Variants in PDZRN3 observed in about 807,000 individuals in gnomAD.
The protein encoded by PDZRN3 is PDZ domain containing ring finger 3.
A neutral mutation model predicts 85.7 loss-of-function variants in PDZRN3; 38 were observed. The ratio of observed to expected loss-of-function variants is 0.44; its 90% CI spans 0.34 to 0.58. The LOEUF is 0.58. Ranked by LOEUF, PDZRN3 falls within the 20% of genes least tolerant of loss-of-function variation. The pLI is 0.01. For missense variants in PDZRN3, 1,629 were observed against 1,506.4 expected (o/e 1.08, Z -1.35); for synonymous variants, 759 against 638.0 (o/e 1.19, Z -2.86).
chr3:73,560,259 A>G (rs1002795393), intron 3 of PDZRN3, among the ~76,000 whole-genome samples: 1 of 152,224 alleles, frequency 6.6e-6, no homozygotes, highest in East Asian at 1.9e-4. Flanking sequence ...AAATCTGCCA[A>G]ATTTGACTGT....
intron 3 of PDZRN3, among the ~76,000 whole-genome samples, chr3:73,406,227 G>A (rs1701852384): frequency 6.6e-6 from 1 of 152,192 alleles, no homozygotes; most frequent in Admixed American, 6.5e-5. Context: ...CTGTTGCCAT[G>A]TTTCTCCCTT....
intron 1 of PDZRN3, among the ~76,000 whole-genome samples, chr3:73,612,074 G>A (rs973300957): frequency 2.0e-5 from 3 of 149,924 alleles, no homozygotes; most frequent in African/African-American, 7.6e-5. Flanking sequence ...GGTCTGTTTG[G>A]GTAGTTTATC....
chr3:73,401,274 G>A (rs1381387546), intron 4 of PDZRN3, among the ~76,000 whole-genome samples: 12 of 152,182 alleles, frequency 7.9e-5, no homozygotes, highest in South Asian at 2.1e-4. Context: ...AGCCCATCCC[G>A]GAGCCTGCCA....
intron 3 of PDZRN3, among the ~76,000 whole-genome samples, chr3:73,453,345 G>T (rs1213149075): frequency 7.0e-6 from 1 of 143,148 alleles, no homozygotes; most frequent in Non-Finnish European, 1.5e-5. Flanking sequence ...GGCGGAGGTT[G>T]CAGTGAGCCG....
intron 3 of PDZRN3, among the ~76,000 whole-genome samples, chr3:73,524,004 G>C (rs1575708076): frequency 1.3e-5 from 2 of 152,224 alleles, no homozygotes; most frequent in South Asian, 2.1e-4. Flanking sequence ...GTAATGGATA[G>C]TTTCAGTGAA....
chr3:73,402,138 G>C (rs948434480), intron 4 of PDZRN3, among the ~76,000 whole-genome samples: 1 of 152,196 alleles, frequency 6.6e-6, no homozygotes, highest in Admixed American at 6.5e-5. Flanking sequence ...ACCTGAAGAG[G>C]CCTGACCTCT....
At chr3:73,428,667 TAAGAG>T (rs917674335) in intron 3 of PDZRN3, among the ~76,000 whole-genome samples, 45 of 152,304 alleles carry the variant, frequency 3.0e-4, no homozygotes, top group Middle Eastern at 3.4e-3. Flanking sequence ...CTTTGTGTCT[TAAGAG>T]GAGACAAACT....
chr3:73,498,040 A>T (rs914522485), intron 3 of PDZRN3, among the ~76,000 whole-genome samples: 2 of 152,166 alleles, frequency 1.3e-5, no homozygotes, highest in African/African-American at 4.8e-5. Context: ...CTAGGCAGAG[A>T]TCTGTTATAT....
chr3:73,620,990 C>G (rs1638535170), intron 1 of PDZRN3, among the ~76,000 whole-genome samples: 1 of 152,256 alleles, frequency 6.6e-6, no homozygotes, highest in African/African-American at 2.4e-5. Context: ...TGGTCTATAT[C>G]TACCTGAGCG....
rs1270594281 is a variant in PDZRN3, at chr3:73,383,225, G to A, written c.*140C>T. 5.5e-6 allele frequency: 4 copies of A among 728,682 alleles called. No homozygotes were observed. The highest frequency in any genetic ancestry group is 5.4e-5 in the Admixed American group (2 of 36,826). 45.1% of individuals were successfully genotyped at this position (728,682 alleles called of 1,614,324 possible). On this transcript the variant is annotated 3_prime_UTR_variant, in exon 10 of 10. Coordinates refer to ENST00000263666, the MANE Select transcript of PDZRN3 (RefSeq NM_015009.3). ...TTAAAATAGACCTATGACACCCAGAGTTGTAGGGTTTGCAAATTTGGACTA... is the reference window on the plus strand; with the variant it reads ...TTAAAATAGACCTATGACACCCAGAATTGTAGGGTTTGCAAATTTGGACTA...
chr3:73,428,316 T>A (rs959645335), intron 3 of PDZRN3, among the ~76,000 whole-genome samples: 16 of 152,232 alleles, frequency 1.1e-4, no homozygotes, highest in African/African-American at 3.6e-4. Flanking sequence ...CTGTTCCACA[T>A]CCTCACCTCC....
chr3:73,428,692 G>C (rs1465994537), intron 3 of PDZRN3, among the ~76,000 whole-genome samples: 3 of 152,180 alleles, frequency 2.0e-5, no homozygotes, highest in Admixed American at 6.5e-5. Flanking sequence ...TGAAAGAAGA[G>C]AGGTAATCTC....
At chr3:73,523,522 A>G (rs559405776) in intron 3 of PDZRN3, among the ~76,000 whole-genome samples, 1 of 152,346 alleles carries the variant, frequency 6.6e-6, no homozygotes, top group South Asian at 2.1e-4. Context: ...CATATAAAAT[A>G]TCAAACAACA....
chr3:73,420,199 C>CA (rs1702171418), intron 3 of PDZRN3, among the ~76,000 whole-genome samples: 1 of 152,194 alleles, frequency 6.6e-6, no homozygotes. Flanking sequence ...CTGACTGCTC[C>CA]ATATTGAGAT....
intron 3 of PDZRN3, among the ~76,000 whole-genome samples, chr3:73,427,889 A>C (rs1702349236): frequency 6.6e-6 from 1 of 152,246 alleles, no homozygotes; most frequent in South Asian, 2.1e-4. Context: ...AAGCAAGCCA[A>C]CAAAATACAG....
chr3:73,389,188 C>T (rs182867940), intron 7 of PDZRN3, among the ~76,000 whole-genome samples: 11 of 152,042 alleles, frequency 7.2e-5, no homozygotes, highest in African/African-American at 2.7e-4. Flanking sequence ...GCCTTGTGGA[C>T]ACAATGAAGC....
Position 73,404,174 on chromosome 3 carries a change from C to T in PDZRN3, c.1140G>A (p.Val380=), listed in dbSNP as rs2291463. Residue 380 remains valine, a synonymous_variant, in exon 4 of 10, where the codon GTG becomes GTA. Transcript: ENST00000263666. The part of the protein sequence containing the change: ...LTKMSSPSPP[V]LDPYLLPEEH... The stretch of plus-strand genomic sequence containing the variant: ...CCTCTGGCAAGAGATAGGGATCCAG[C>T]ACGGGTGGGCTGGGAGAGGACATCT... 926,128 of 1,612,398 alleles carry T rather than the reference C, an allele frequency of 0.57. 269,636 individuals are homozygous for T. The highest frequency in any genetic ancestry group is 0.86 in the East Asian group (38,452 of 44,868).
intron 3 of PDZRN3, chr3:73,569,577 C>T (rs1017905782): frequency 9.7e-7 from 1 of 1,033,798 alleles, no homozygotes; most frequent in Non-Finnish European, 1.2e-6. Flanking sequence ...CACACATTGA[C>T]AGACACAGAG....
Position 73,388,024 on chromosome 3 carries a change from G to A in PDZRN3, c.1462C>T (p.Leu488=), listed in dbSNP as rs373968116. 7.1e-7 allele frequency: 1 copy of A among 1,408,644 alleles called. No individual in the cohort carries two copies. Among genetic ancestry groups the A allele is most frequent in the Non-Finnish European group, 9.5e-7 (1 of 1,052,244 alleles). 87.3% of individuals were successfully genotyped at this position (1,408,644 alleles called of 1,614,324 possible). Residue 488 remains leucine (L), a synonymous_variant, in exon 8 of 10, where the codon CTA becomes TTA. Transcript: ENST00000263666. ...VQNREEAVAL[L]TSEENKNFSL... ...AAGTTTTTATTTTCTTCACTGGTTA[G>A]AAGAGCCACAGCCTCTTCACGGTTC...
Sources: allele counts gnomAD v4.1 joint callset (sites outside exome capture counted in the v4.1 genomes callset), GRCh38; gene constraint gnomAD v4.1.1; transcripts MANE v1.5; gene names NCBI Gene and HGNC (gene_info 2026-07-23, HGNC 2026-07-21).